The following GNS variants were observed in gnomAD, a reference collection of about 807,000 sequenced individuals.
The protein encoded by GNS is glucosamine (N-acetyl)-6-sulfatase, also known as N-acetylglucosamine-6-sulfatase.
In GNS, 40 loss-of-function variants were observed where a neutral mutation model predicts 69.7. The observed-to-expected ratio is 0.57, with a 90% CI of 0.45 to 0.75. The LOEUF is 0.75. GNS is among the 30% of genes least tolerant of loss of function. The pLI, the probability that GNS is intolerant of heterozygous loss-of-function variation, is 0.00. For missense variants in GNS, 565 were observed against 685.5 expected, an observed-to-expected ratio of 0.82 and a Z score of 1.96; for synonymous variants, 243 against 251.6, an observed-to-expected ratio of 0.97 and a Z score of 0.32.
chr12:64,748,377 A>G (rs1284984146), intron 2 of GNS, among the ~76,000 whole-genome samples: 1 of 143,154 alleles, frequency 7.0e-6, no homozygotes, highest in African/African-American at 2.6e-5. Flanking sequence ...TTTTTTTTTC[A>G]TTTTTTTATT....
chr12:64,724,799 T>C (rs752069702), intron 10 of GNS, among the ~76,000 whole-genome samples: 1 of 152,148 alleles, frequency 6.6e-6, no homozygotes, highest in Non-Finnish European at 1.5e-5. Context: ...CGGCAGAGGT[T>C]GTGGTGAGCC....
intron 1 of GNS, 120 bp from the exon 2 acceptor site, chr12:64,752,877 G>C: frequency 1.4e-6 from 1 of 701,614 alleles, no homozygotes; most frequent in Non-Finnish European, 2.6e-6. Context: ...TCAGCTCTAA[G>C]CAACAGCCAA....
intron 6 of GNS, 114 bp downstream of exon 6, chr12:64,743,027 C>A (rs1869794622): frequency 1.2e-6 from 1 of 831,976 alleles, no homozygotes; most frequent in Admixed American, 1.7e-5. Context: ...GATGCAATTA[C>A]CTTTAAAATA....
rs1384470031 is a variant in GNS, at chr12:64,759,096, G to T, written c.181C>A (p.Leu61Ile). The part of the protein sequence containing the change: ...LLLTDDQDEV[L>I]GGMTPLKKTK... ...AACAGAAGAGTTACCATGCCGCCGA[G>T]CACTTCGTCCTGGTCGTCCGTGAGG... The change falls in exon 1 of 14, where the codon CTC (leucine) becomes ATC (isoleucine). Residue 61 changes from leucine (L) to isoleucine (I), a missense_variant. Physicochemically the swap from Leu to Ile is conservative, Grantham distance 5. Transcript: ENST00000258145. The T allele has an allele frequency of 6.4e-7, 1 of 1,562,048 alleles. No homozygotes were observed. Among genetic ancestry groups the T allele is most frequent in the Non-Finnish European group, 8.7e-7 (1 of 1,152,964 alleles).
Position 64,744,495 on chromosome 12 carries a change from G to A in GNS, c.624+314C>T, listed in dbSNP as rs116007274. Among the ~76,000 whole-genome samples the A allele has an allele frequency of 1.5e-3, 234 of 152,174 alleles. 2 individuals are homozygous for A. The highest frequency in any genetic ancestry group is 5.4e-3 in the African/African-American group (223 of 41,502). ...CATCTTGTAGCTTGTGAGTAAAACC[G>A]GGGTCAAGAGTAGGTACACTTACAA... On this transcript the variant is annotated intron_variant, in intron 5 of 13. Coordinates refer to ENST00000258145, the MANE Select transcript of GNS (RefSeq NM_002076.4).
chr12:64,718,318 A>AGGC (rs1868927140), intron 13 of GNS, among the ~76,000 whole-genome samples: 1 of 152,256 alleles, frequency 6.6e-6, no homozygotes, highest in African/African-American at 2.4e-5. Context: ...TAAGTAGTTC[A>AGGC]TGCTAACATC....
rs1383941805 is a variant in GNS, at chr12:64,716,652, G to A, written c.*89C>T. ...CAGCCCAGAAACTCTTCCAGGTGTG[G>A]TCTTGAAGACTAGCTACAGACACCT... is the stretch of plus-strand genomic sequence containing the variant. On this transcript the variant is annotated 3_prime_UTR_variant, in exon 14 of 14. Transcript: ENST00000258145. 2.2e-6 allele frequency: 2 copies of A among 895,934 alleles called. No homozygotes were observed. The highest frequency in any genetic ancestry group is 3.3e-5 in the African/African-American group (2 of 61,410). The allele number at this position is 895,934 out of a possible 1,614,324, so 55.5% of individuals were successfully genotyped here.
chr12:64,759,160 C>G lies in GNS; in HGVS notation c.117G>C (p.Gly39=). 1 of 1,554,702 alleles carries G rather than the reference C, an allele frequency of 6.4e-7. No homozygotes were observed. Among genetic ancestry groups the G allele is most frequent in the South Asian group, 1.2e-5 (1 of 84,404 alleles). The change falls in exon 1 of 14, where the codon GGG becomes GGC. Residue 39 remains glycine (G), a synonymous_variant. Transcript: ENST00000258145. ...LVLGGCLGVF[G]VAAGTRRPNV... The stretch of plus-strand genomic sequence containing the variant: ...TGGGCCTCCGGGTTCCCGCAGCCAC[C>G]CCGAAGACCCCCAGGCAGCCGCCCA...
intron 10 of GNS, 104 bp from the exon 11 acceptor site, chr12:64,723,217 A>G (rs1011027663): frequency 5.6e-5 from 42 of 750,792 alleles, no homozygotes; most frequent in Admixed American, 1.6e-4. Flanking sequence ...AAGTAATTGG[A>G]CTGTTCATTC....
Position 64,743,238 on chromosome 12 carries a change from G to A in GNS, c.695C>T (p.Pro232Leu). The A allele has an allele frequency of 6.2e-7, 1 of 1,612,342 alleles. No individual in the cohort carries two copies. Among genetic ancestry groups the A allele is most frequent in the Non-Finnish European group, 8.5e-7 (1 of 1,178,380 alleles). Residue 232 changes from proline to leucine, a missense_variant, in exon 6 of 14, where the codon CCA becomes CTA. Pro to Leu is a moderately conservative substitution (Grantham distance 98). Coordinates refer to ENST00000258145, the MANE Select transcript of GNS (RefSeq NM_002076.4). ...FEPFFMMIAT[P>L]APHSPWTAAP... ...AGCTGTCCAAGGCGAATGAGGCGCT[G>A]GAGTGGCGATCATCATGAAGAAGGG...
intron 2 of GNS, among the ~76,000 whole-genome samples, chr12:64,752,281 G>A (rs1214475055): frequency 6.6e-6 from 1 of 152,162 alleles, no homozygotes; most frequent in Non-Finnish European, 1.5e-5. Context: ...TATGTACATG[G>A]TTCTTGAAAA....
chr12:64,731,214 C>CT (rs1304991698), intron 9 of GNS, among the ~76,000 whole-genome samples: 2 of 152,218 alleles, frequency 1.3e-5, no homozygotes, highest in Non-Finnish European at 2.9e-5. Flanking sequence ...GCAACTGGGA[C>CT]TACAGGTACA....
rs1234677930 is a variant in GNS, at chr12:64,713,678, T to C, written c.*3063A>G. On this transcript the variant is annotated 3_prime_UTR_variant, in exon 14 of 14. Coordinates refer to ENST00000258145, the MANE Select transcript of GNS (RefSeq NM_002076.4). ...TTGGTGGATCAGTTGAATTAACTTT[T>C]GCTTTCTTTAGGATGAATCCTGGGA... 3 of 152,486 alleles carry C rather than the reference T, an allele frequency of 2.0e-5. No individual in the cohort carries two copies. The highest frequency in any genetic ancestry group is 4.4e-5 in the Non-Finnish European group (3 of 68,030). The allele number at this position is 152,486 out of a possible 1,614,324, so 9.4% of individuals were successfully genotyped here.
Position 64,752,837 on chromosome 12 carries a change from C to T in GNS, c.193-80G>A. On this transcript the variant is annotated intron_variant, in intron 1 of 13. Transcript: ENST00000258145. ...ACAGCCCAGAATTCCTGTTTTGTTACATCTTACTCAATCTTTTATTCCCAA... is the reference window on the plus strand; with the variant it reads ...ACAGCCCAGAATTCCTGTTTTGTTATATCTTACTCAATCTTTTATTCCCAA... 4 of 769,644 alleles carry T rather than the reference C, an allele frequency of 5.2e-6. No homozygotes were observed. In the South Asian group the frequency reaches 5.7e-5, roughly 11 times the overall value. 47.7% of individuals were successfully genotyped at this position (769,644 alleles called of 1,614,324 possible).
rs973142487 is a variant in GNS, at chr12:64,759,301, C to G, written c.-25G>C. 7.1e-7 allele frequency: 1 copy of G among 1,407,494 alleles called. No individual in the cohort carries two copies. Among genetic ancestry groups the G allele is most frequent in the Non-Finnish European group, 9.4e-7 (1 of 1,060,140 alleles). 87.2% of individuals were successfully genotyped at this position (1,407,494 alleles called of 1,614,324 possible). A position where few individuals can be genotyped will look rare whatever the true frequency, so the allele number is the denominator to read the frequency against. ...TAGCGGACAGGCTCCGGGGTGACCCCGGGACGGGACGGGACGGAGGGACGC... is the reference window on the plus strand; with the variant it reads ...TAGCGGACAGGCTCCGGGGTGACCCGGGGACGGGACGGGACGGAGGGACGC... On this transcript the variant is annotated 5_prime_UTR_variant, in exon 1 of 14. Coordinates refer to ENST00000258145, the MANE Select transcript of GNS (RefSeq NM_002076.4).
chr12:64,721,837 G>T lies in GNS; in HGVS notation c.1309-132C>A, dbSNP rs912647325. On this transcript the variant is annotated intron_variant, in intron 11 of 13. Coordinates refer to ENST00000258145, the MANE Select transcript of GNS (RefSeq NM_002076.4). Reference sequence around the variant, plus strand: ...ACAGCAATTAGAAAACCTTCCATGGGGAAGCCAGTAACTCAAAAACAGATG... The same window carrying T: ...ACAGCAATTAGAAAACCTTCCATGGTGAAGCCAGTAACTCAAAAACAGATG... 1.7e-5 allele frequency: 12 copies of T among 711,206 alleles called. No homozygotes were observed. In the African/African-American group the frequency reaches 1.7e-4, roughly 10 times the overall value. 44.1% of individuals were successfully genotyped at this position (711,206 alleles called of 1,614,324 possible).
At chr12:64,754,777 T>C (rs779328277) in intron 1 of GNS, among the ~76,000 whole-genome samples, 17 of 151,784 alleles carry the variant, frequency 1.1e-4, no homozygotes, top group Non-Finnish European at 1.6e-4. Flanking sequence ...TAGTCCCAGC[T>C]ACTTAAGAGG....
At chr12:64,722,884 C>T in intron 11 of GNS, 122 bp downstream of exon 11, 1 of 723,680 alleles carries the variant, frequency 1.4e-6, no homozygotes, top group Non-Finnish European at 2.6e-6. Flanking sequence ...ACTAACCACT[C>T]ACAGTCAGTG....
chr12:64,726,926 A>T (rs1360571794), intron 10 of GNS, among the ~76,000 whole-genome samples: 1 of 83,888 alleles, frequency 1.2e-5, no homozygotes, highest in African/African-American at 6.9e-5. Context: ...TCAATAACAC[A>T]ATAAAAAAAA....
Sources: allele counts gnomAD v4.1 joint callset (sites outside exome capture counted in the v4.1 genomes callset), GRCh38; gene constraint gnomAD v4.1.1; transcripts MANE v1.5; gene names NCBI Gene and HGNC (gene_info 2026-07-23, HGNC 2026-07-21).